The following EYS variants were observed in gnomAD, a reference collection of about 807,000 sequenced individuals.
EYS encodes the protein protein eyes shut homolog.
EYS carries 250 observed loss-of-function variants against 282.1 expected under a neutral mutation model. The ratio of observed to expected loss-of-function variants is 0.89; its 90% CI spans 0.80 to 0.98. The LOEUF (loss-of-function observed/expected upper bound fraction) is 0.98. Ranked by LOEUF, EYS falls within the 50% of genes least tolerant of loss-of-function variation. EYS has a pLI of 0.00. For synonymous variants in EYS, 1,355 were observed against 1,282.9 expected (o/e 1.06, Z -1.20); for missense variants, 4,016 against 3,709.0 (o/e 1.08, Z -2.15).
In EYS at chr6:63,721,197, C is replaced by T. The variant is rs1161453292; in HGVS notation, c.8834G>A (p.Gly2945Glu). 2.4e-5 allele frequency: 37 copies of T among 1,551,524 alleles called. No homozygotes were observed. The highest frequency in any genetic ancestry group is 2.9e-5 in the Non-Finnish European group (33 of 1,146,916). Residue 2945 changes from glycine (G) to glutamate (E), a missense_variant, in exon 43 of 43, where the codon GGA becomes GAA. Coordinates refer to ENST00000503581, the MANE Select transcript of EYS (RefSeq NM_001142800.2). ...YSCLCTLGWVGRYCENKTSFS... is the reference protein window; with the variant it reads ...YSCLCTLGWVERYCENKTSFS... ...TGAAGTTTTGTTTTCACAATACCTT[C>T]CCACCCAACCCAAAGTACACAGGCA...
chr6:64,561,095 G>A (rs780336613), intron 26 of EYS, among the ~76,000 whole-genome samples: 30 of 152,048 alleles, frequency 2.0e-4, no homozygotes, highest in Non-Finnish European at 2.4e-4. Context: ...AAAACCACAC[G>A]ATTATCTTAA....
chr6:65,411,029 T>C (rs1265184845), intron 5 of EYS, among the ~76,000 whole-genome samples: 1 of 152,036 alleles, frequency 6.6e-6, no homozygotes, highest in African/African-American at 2.4e-5. Flanking sequence ...GGTTAATTAA[T>C]GGAAGATTGA....
chr6:64,859,120 G>A (rs1766156501), intron 19 of EYS, among the ~76,000 whole-genome samples: 1 of 151,340 alleles, frequency 6.6e-6, no homozygotes, highest in African/African-American at 2.4e-5. Flanking sequence ...ACTGATAAAT[G>A]CACTTAGCAA....
chr6:63,729,605 C>A (rs182583365), intron 41 of EYS, among the ~76,000 whole-genome samples: 35 of 150,512 alleles, frequency 2.3e-4, no homozygotes, highest in African/African-American at 8.0e-4. Flanking sequence ...CCATTTTATT[C>A]TTCTTCCTCT....
chr6:63,969,869 G>A (rs949407757), intron 35 of EYS, among the ~76,000 whole-genome samples: 6 of 152,156 alleles, frequency 3.9e-5, no homozygotes, highest in South Asian at 4.1e-4. Context: ...CTGTTACCAC[G>A]TTTTTTATTT....
At chr6:65,252,857 T>C (rs1413556139) in intron 12 of EYS, among the ~76,000 whole-genome samples, 1 of 151,872 alleles carries the variant, frequency 6.6e-6, no homozygotes, top group Non-Finnish European at 1.5e-5. Context: ...AGAATGAAGA[T>C]GACAGAAAAG....
intron 31 of EYS, among the ~76,000 whole-genome samples, chr6:64,156,739 GC>G (rs1349809415): frequency 6.6e-6 from 1 of 152,126 alleles, no homozygotes; most frequent in Non-Finnish European, 1.5e-5. Flanking sequence ...GCAGCATTTT[GC>G]CCCTACCCTA....
chr6:64,619,013 G>T (rs1413144673), intron 23 of EYS, among the ~76,000 whole-genome samples: 1 of 152,126 alleles, frequency 6.6e-6, no homozygotes. Context: ...GCTTAGAGAT[G>T]CATACATATA....
rs140503551 is a variant in EYS at position 64,690,589 on chromosome 6, C to A, written c.3444-64344G>T. ...ACTTGGAATCAACCCAAATGTCCATCAATGATAGACTGGATTAAGAAAATG... is the reference window on the plus strand; with the variant it reads ...ACTTGGAATCAACCCAAATGTCCATAAATGATAGACTGGATTAAGAAAATG... On this transcript the variant is annotated intron_variant, in intron 22 of 42. Coordinates refer to ENST00000503581, the MANE Select transcript of EYS (RefSeq NM_001142800.2). 4.7e-3 allele frequency among the ~76,000 whole-genome samples: 719 copies of A among 152,226 alleles called. 2 individuals carry two copies. Among genetic ancestry groups the A allele is most frequent in the African/African-American group, 0.016 (682 of 41,548 alleles).
intron 18 of EYS, among the ~76,000 whole-genome samples, chr6:64,901,537 T>C (rs1210336103): frequency 2.0e-5 from 3 of 151,828 alleles, no homozygotes; most frequent in Non-Finnish European, 2.9e-5. Flanking sequence ...ATGAGAAAAA[T>C]ATAAATGTGA....
chr6:65,591,582 G>A (rs1180194448), intron 2 of EYS, among the ~76,000 whole-genome samples: 1 of 151,564 alleles, frequency 6.6e-6, no homozygotes, highest in African/African-American at 2.4e-5. Flanking sequence ...CTCACTTTTT[G>A]AAGCTCCTAA....
chr6:64,846,237 C>T (rs1230033675), intron 19 of EYS, among the ~76,000 whole-genome samples: 1 of 152,078 alleles, frequency 6.6e-6, no homozygotes, highest in Admixed American at 6.6e-5. Context: ...TCAAGCCTTT[C>T]ATTAAAACAT....
intron 33 of EYS, among the ~76,000 whole-genome samples, chr6:64,020,315 T>A (rs1769127248): frequency 6.6e-6 from 1 of 152,188 alleles, no homozygotes; most frequent in African/African-American, 2.4e-5. Context: ...GTACAAAATT[T>A]TACATGTACC....
rs143878850 is a variant in EYS at position 64,378,733 on chromosome 6, G to A, written c.6078+9957C>T. Among the ~76,000 whole-genome samples the A allele has an allele frequency of 1.8e-3, 278 of 152,212 alleles. 3 individuals carry two copies. In the East Asian group the frequency reaches 0.029, roughly 16 times the overall value. On this transcript the variant is annotated intron_variant, in intron 29 of 42. Coordinates refer to ENST00000503581, the MANE Select transcript of EYS (RefSeq NM_001142800.2). ...AAGGCACCATGGCAATGAATTGAGG[G>A]AGCTAGGAATCCAACTCCAGACCTA...
chr6:65,095,150 C>A (rs1181961140), intron 12 of EYS, among the ~76,000 whole-genome samples: 1 of 151,102 alleles, frequency 6.6e-6, no homozygotes, highest in South Asian at 2.1e-4. Context: ...AAAGAGATAG[C>A]CTGATTAGGC....
chr6:64,618,713 G>A (rs1316277437), intron 23 of EYS, among the ~76,000 whole-genome samples: 1 of 152,030 alleles, frequency 6.6e-6, no homozygotes, highest in African/African-American at 2.4e-5. Context: ...TAGAAATAGC[G>A]GCCAAGAGAC....
chr6:65,047,770 G>A (rs751709776), intron 13 of EYS, among the ~76,000 whole-genome samples: 8 of 151,846 alleles, frequency 5.3e-5, no homozygotes, highest in Non-Finnish European at 8.8e-5. Context: ...TACAAAGTGC[G>A]GCAGAGCATG....
chr6:65,192,255 C>T lies in EYS; in HGVS notation c.2023+103608G>A, dbSNP rs556453356. Among the ~76,000 whole-genome samples the T allele has an allele frequency of 2.0e-3, 301 of 148,632 alleles. 2 individuals carry two copies. Among genetic ancestry groups the T allele is most frequent in the African/African-American group, 6.3e-3 (254 of 40,408 alleles). On this transcript the variant is annotated intron_variant, in intron 12 of 42. Coordinates refer to ENST00000503581, the MANE Select transcript of EYS (RefSeq NM_001142800.2). ...GGATAGCATTTCCCAGGATAGGGCA[C>T]GTTAACAACTATTTCTTTCCCTATA...
At chr6:64,810,226 GA>G (rs2061508298) in intron 22 of EYS, among the ~76,000 whole-genome samples, 2 of 151,930 alleles carry the variant, frequency 1.3e-5, no homozygotes, top group Admixed American at 1.3e-4. Context: ...AATAAAAACA[GA>G]AGGGAATTAA....
Sources: allele counts gnomAD v4.1 joint callset (sites outside exome capture counted in the v4.1 genomes callset), GRCh38; gene constraint gnomAD v4.1.1; transcripts MANE v1.5; gene names NCBI Gene and HGNC (gene_info 2026-07-23, HGNC 2026-07-21).